WDR87: variants seen among roughly 807,000 people sequenced by gnomAD.
WDR87 encodes the protein WD repeat-containing protein 87.
WDR87 carries 56 observed loss-of-function variants against 83.3 expected under a neutral mutation model. The ratio of observed to expected loss-of-function variants is 0.67; its 90% CI spans 0.54 to 0.84. WDR87 has a LOEUF of 0.84. WDR87 is among the 40% of genes least tolerant of loss of function. WDR87 has a pLI of 0.00. For synonymous variants in WDR87, 1,173 were observed against 1,250.6 expected, an observed-to-expected ratio of 0.94 and a Z score of 1.31; for missense variants, 2,939 against 3,431.9, an observed-to-expected ratio of 0.86 and a Z score of 3.59.
In WDR87 at chr19:37,902,030, ATTTAT is replaced by A. The variant is rs935921450; in HGVS notation, c.-46-3750_-46-3746del. On this transcript the variant is annotated intron_variant, in intron 1 of 5. Coordinates refer to ENST00000447313, the MANE Select transcript of WDR87 (RefSeq NM_001291088.2). ...TGCACCTGGCCCTCTATGTTTATTT[ATTTAT>A]TTATTTATTTATTTATTTATTTGCC... is the stretch of plus-strand genomic sequence containing the variant. Among the ~76,000 whole-genome samples, 111 of 62,518 alleles carry A rather than the reference ATTTAT, an allele frequency of 1.8e-3. 2 individuals carry two copies. In the East Asian group the frequency reaches 0.16, roughly 90 times the overall value. 41.0% of individuals were successfully genotyped at this position (62,518 alleles called of 152,430 possible).
chr19:37,892,390 AGAAGG>A (rs1183983074), intron 4 of WDR87, among the ~76,000 whole-genome samples, 183 bp downstream of exon 4: 1 of 152,208 alleles, frequency 6.6e-6, no homozygotes, highest in Non-Finnish European at 1.5e-5. Context: ...TCTCAAAAAA[AGAAGG>A]AAGAGGAGGA....
In WDR87 at chr19:37,890,251, C is replaced by A. The variant is rs62110237; in HGVS notation, c.3420G>T (p.Lys1140Asn). 8 of 1,534,012 alleles carry A rather than the reference C, an allele frequency of 5.2e-6. No individual in the cohort carries two copies. In the South Asian group the frequency reaches 9.8e-5, roughly 19 times the overall value. Residue 1140 changes from lysine (K) to asparagine (N), a missense_variant, in exon 6 of 6, where the codon AAG (lysine) becomes AAT (asparagine). Lys to Asn is a moderately conservative substitution (Grantham distance 94, BLOSUM62 0). This residue lies in a region of WDR87 where 2,160 missense variants were observed against 2,533.1 expected (regional missense o/e 0.85). Coordinates refer to ENST00000447313, the MANE Select transcript of WDR87 (RefSeq NM_001291088.2). ...GTTTAGAGTCTCTCTCTTTCGTCTT[C>A]TTGAGACCCCGCAACCATTTTTGGC... ...KHSQKWLRGL[K>N]KTKERDSKQM...
At chr19:37,901,871 G>A (rs1427944089) in intron 1 of WDR87, among the ~76,000 whole-genome samples, 9 of 151,684 alleles carry the variant, frequency 5.9e-5, no homozygotes, top group Admixed American at 2.6e-4. Context: ...ACACCCCCAT[G>A]CCTGGCTAAT....
intron 5 of WDR87, 109 bp from the exon 6 acceptor site, chr19:37,890,385 C>T: frequency 2.3e-6 from 3 of 1,327,036 alleles, no homozygotes; most frequent in Admixed American, 3.3e-5. Flanking sequence ...GAAGTAACAA[C>T]AGAGAGAACT....
Position 37,888,989 on chromosome 19 carries a change from T to G in WDR87, c.4682A>C (p.Lys1561Thr), listed in dbSNP as rs540559202. ...TGATAACATATTTTCCCAGACTTGT[T>G]TCCACTCCTCCCATTTCAGCTTCTT... is the stretch of plus-strand genomic sequence containing the variant. ...EDKKLKWEEW[K>T]QVWENMLSSK... Residue 1561 changes from lysine (K) to threonine (T), a missense_variant, in exon 6 of 6, where the codon AAA becomes ACA. By Grantham distance (78) the Lys-to-Thr change is moderately conservative (BLOSUM62 -1). Coordinates refer to ENST00000447313, the MANE Select transcript of WDR87 (RefSeq NM_001291088.2). The G allele has an allele frequency of 5.5e-5, 85 of 1,551,958 alleles. 1 individual carries two copies. In the South Asian group the frequency reaches 1.0e-3, roughly 18 times the overall value.
At position 37,889,912 on chromosome 19, in the gene WDR87, T is replaced by C; in HGVS notation, c.3759A>G (p.Pro1253=). Residue 1253 remains proline, a synonymous_variant, in exon 6 of 6, where the codon CCA becomes CCG. Coordinates refer to ENST00000447313, the MANE Select transcript of WDR87 (RefSeq NM_001291088.2). ...CTTGGATTTTAACCTTTTTAGTAAC[T>C]GGCTGTTCCATTACAGGAGGTGTAG... The part of the protein sequence containing the change: ...EETTPPVMEQ[P]VTKKVKIQGR... 6.4e-7 allele frequency: 1 copy of C among 1,551,590 alleles called. No individual in the cohort carries two copies. The highest frequency in any genetic ancestry group is 8.7e-7 in the Non-Finnish European group (1 of 1,146,990).
rs904064432 is a variant in WDR87, at chr19:37,893,172, C to T, written c.2531G>A (p.Cys844Tyr). ...CTCCCGCTGGGGTGCATGCAGGTTG[C>T]ACTGTAGGTATATTGGGGTGCCCTC... ...WPEGTPIYLQCNLHAPQRELE... is the reference protein window; with the variant it reads ...WPEGTPIYLQYNLHAPQRELE... The change falls in exon 4 of 6, where the codon TGC becomes TAC. Residue 844 changes from cysteine to tyrosine, a missense_variant. Transcript: ENST00000447313. 42 of 1,551,834 alleles carry T rather than the reference C, an allele frequency of 2.7e-5. No individual in the cohort carries two copies. In the East Asian group the frequency reaches 1.0e-3, roughly 38 times the overall value.
At position 37,888,448 on chromosome 19, in the gene WDR87, C is replaced by T. The variant is rs1599759171; in HGVS notation, c.5223G>A (p.Gln1741=). ...ILAQKVEELP[Q]REQNLDWQEK... ...CTTGCCAGTCCAGATTTTGTTCCCT[C>T]TGGGGCAGTTCTTCCACTTTCTGGG... is the stretch of plus-strand genomic sequence containing the variant. Residue 1741 remains glutamine (Q), a synonymous_variant, in exon 6 of 6, where the codon CAG becomes CAA. Transcript: ENST00000447313. The T allele has an allele frequency of 1.3e-6, 2 of 1,552,010 alleles. No individual in the cohort carries two copies. Among genetic ancestry groups the T allele is most frequent in the East Asian group, 4.9e-5 (2 of 40,900 alleles).
At position 37,887,362 on chromosome 19, in the gene WDR87, C is replaced by G; in HGVS notation, c.6309G>C (p.Glu2103Asp). The G allele has an allele frequency of 6.4e-7, 1 of 1,551,608 alleles. No individual in the cohort carries two copies. Among genetic ancestry groups the G allele is most frequent in the Non-Finnish European group, 8.7e-7 (1 of 1,146,968 alleles). The change falls in exon 6 of 6, where the codon GAG becomes GAC. Residue 2103 changes from glutamate (E) to aspartate (D), a missense_variant. This residue lies in a region of WDR87 where 2,160 missense variants were observed against 2,533.1 expected (regional missense o/e 0.85). Coordinates refer to ENST00000447313, the MANE Select transcript of WDR87 (RefSeq NM_001291088.2). ...KASRKLIKKR[E>D]SLSKEPAKLN... ...GTTTTGCTGGTTCCTTGGAAAGGCT[C>G]TCCCTTTTTTTAATCAACTTCCTTG...
Position 37,885,221 on chromosome 19 carries a change from C to T in WDR87, c.8450G>A (p.Arg2817Lys), listed in dbSNP as rs565910887. 3.3e-6 allele frequency: 5 copies of T among 1,498,702 alleles called. No individual in the cohort carries two copies. Among genetic ancestry groups the T allele is most frequent in the Middle Eastern group, 1.8e-4 (1 of 5,700 alleles). The allele number at this position is 1,498,702 out of a possible 1,614,324, so 92.8% of individuals were successfully genotyped here. Residue 2817 changes from arginine (R) to lysine (K), a missense_variant, in exon 6 of 6, where the codon AGA (arginine) becomes AAA (lysine). By Grantham distance (26) the Arg-to-Lys change is conservative. This residue lies in a region of WDR87 where 2,160 missense variants were observed against 2,533.1 expected (regional missense o/e 0.85). Coordinates refer to ENST00000447313, the MANE Select transcript of WDR87 (RefSeq NM_001291088.2). ...IQKLLQELLM[R>K]EEPQPQEIIY... ...GATCTCTTGGGGTTGAGGTTCCTCT[C>T]TCATTAGCAGCTCCTGAAGCAGCTT...
At position 37,888,350 on chromosome 19, in the gene WDR87, A is replaced by G; in HGVS notation, c.5321T>C (p.Leu1774Pro). 6.4e-7 allele frequency: 1 copy of G among 1,551,656 alleles called. No homozygotes were observed. The highest frequency in any genetic ancestry group is 8.7e-7 in the Non-Finnish European group (1 of 1,147,024). ...AACCAGTTTCCCCTCTTCCTGATTC[A>G]GTTCCTCTTCTTTCCAAGACAGTTC... ...MEELSWKEEELNQEEGKLVEE... is the reference protein window; with the variant it reads ...MEELSWKEEEPNQEEGKLVEE... Residue 1774 changes from leucine to proline, a missense_variant, in exon 6 of 6, where the codon CTG becomes CCG. Leu to Pro is a moderately conservative substitution (Grantham distance 98). This residue lies in a region of WDR87 where 2,160 missense variants were observed against 2,533.1 expected (regional missense o/e 0.85). Coordinates refer to ENST00000447313, the MANE Select transcript of WDR87 (RefSeq NM_001291088.2).
rs12104280 is a variant in WDR87 at position 37,894,100 on chromosome 19, G to T, written c.1603C>A (p.His535Asn). 6.4e-7 allele frequency: 1 copy of T among 1,552,318 alleles called. No homozygotes were observed. The highest frequency in any genetic ancestry group is 8.7e-7 in the Non-Finnish European group (1 of 1,147,126). The change falls in exon 4 of 6, where the codon CAC (histidine) becomes AAC (asparagine). Residue 535 changes from histidine to asparagine, a missense_variant. By Grantham distance (68) the His-to-Asn change is moderately conservative. Around this residue, in one of 3 missense-constraint regions of WDR87, gnomAD observed 553 missense variants for 577.9 expected, o/e 0.96. Coordinates refer to ENST00000447313, the MANE Select transcript of WDR87 (RefSeq NM_001291088.2). ...CCATCAAGCACAGCTTCTGACAGGT[G>T]CACATAGTCATCCATTCCATAGGAA... ...LCSYGMDDYV[H>N]LSEAVLDGVK...
In WDR87 at chr19:37,893,616, A is replaced by C. The variant is rs1375606932; in HGVS notation, c.2087T>G (p.Leu696Arg). Residue 696 changes from leucine (L) to arginine (R), a missense_variant, in exon 4 of 6, where the codon CTG becomes CGG. Physicochemically the swap from Leu to Arg is moderately radical, Grantham distance 102. Around this residue, in one of 3 missense-constraint regions of WDR87, gnomAD observed 553 missense variants for 577.9 expected, o/e 0.96. Coordinates refer to ENST00000447313, the MANE Select transcript of WDR87 (RefSeq NM_001291088.2). ...TGGTATGAAAGGCTTAGGGACTTCC[A>C]GTACTTCATCTGATATGCTCATAAA... ...LSFMSISDEV[L>R]EVPKPFIPSF... 3.9e-6 allele frequency: 6 copies of C among 1,552,028 alleles called. No homozygotes were observed. In the African/African-American group the frequency reaches 8.2e-5, roughly 21 times the overall value.
Position 37,888,647 on chromosome 19 carries a change from T to C in WDR87, c.5024A>G (p.Lys1675Arg), listed in dbSNP as rs1274668104. The change falls in exon 6 of 6, where the codon AAG (lysine) becomes AGG (arginine). Residue 1675 changes from lysine (K) to arginine (R), a missense_variant. Coordinates refer to ENST00000447313, the MANE Select transcript of WDR87 (RefSeq NM_001291088.2). ...CAGTGTTTCCTCTTTCTGGGCAAAC[T>C]TACCCTCTGCCTGGGCCATTTCCCT... ...DDREMAQAEG[K>R]FAQKEETLAQ... The C allele has an allele frequency of 1.9e-6, 3 of 1,552,078 alleles. No homozygotes were observed. The highest frequency in any genetic ancestry group is 1.7e-6 in the Non-Finnish European group (2 of 1,147,086).
Position 37,893,476 on chromosome 19 carries a change from CA to C in WDR87, c.2226del (p.Phe742LeufsTer8). The C allele has an allele frequency of 6.4e-7, 1 of 1,551,956 alleles. No individual in the cohort carries two copies. The highest frequency in any genetic ancestry group is 8.7e-7 in the Non-Finnish European group (1 of 1,147,056). On this transcript the variant is annotated frameshift_variant, in exon 4 of 6. Transcript: ENST00000447313. LOFTEE classifies it high-confidence loss of function. ...EKLVNNRAIAFDHSVPHVIEE... is the reference protein window; with the variant it reads ...EKLVNNRAIAXDHSVPHVIEE... ...TCTATCACATGTGGCACAGAATGGT[CA>C]AAGGCAATGGCCCGGTTGTTGACAA...
chr19:37,898,917 G>A (rs2046275929), intron 1 of WDR87, among the ~76,000 whole-genome samples: 1 of 152,178 alleles, frequency 6.6e-6, no homozygotes, highest in Non-Finnish European at 1.5e-5. Context: ...TCCGTTTAGA[G>A]AAATGGTGGG....
In WDR87 at chr19:37,894,423, G is replaced by A; in HGVS notation, c.1280C>T (p.Ala427Val). Residue 427 changes from alanine to valine, a missense_variant, in exon 4 of 6, where the codon GCA becomes GTA. Ala to Val is a moderately conservative substitution (Grantham distance 64). Transcript: ENST00000447313. ...TACCAGAACCTCTGAGCTGCCTGTTGCTACAAAGAGCTCCTCTTTACCTGG... is the reference window on the plus strand; with the variant it reads ...TACCAGAACCTCTGAGCTGCCTGTTACTACAAAGAGCTCCTCTTTACCTGG... ...YDPGKEELFV[A>V]TGSSEVLVFD... 2 of 1,551,716 alleles carry A rather than the reference G, an allele frequency of 1.3e-6. No homozygotes were observed. Among genetic ancestry groups the A allele is most frequent in the Non-Finnish European group, 1.7e-6 (2 of 1,147,012 alleles).
chr19:37,891,453 T>C, intron 5 of WDR87, 99 bp downstream of exon 5: 1 of 1,432,408 alleles, frequency 7.0e-7, no homozygotes, highest in Non-Finnish European at 9.3e-7. Context: ...TGAGCCATCA[T>C]GTCCCGCCAG....
At position 37,893,928 on chromosome 19, in the gene WDR87, G is replaced by A. The variant is rs2046230420; in HGVS notation, c.1775C>T (p.Ser592Leu). 3 of 1,551,762 alleles carry A rather than the reference G, an allele frequency of 1.9e-6. No individual in the cohort carries two copies. Among genetic ancestry groups the A allele is most frequent in the Admixed American group, 2.0e-5 (1 of 50,978 alleles). The change falls in exon 4 of 6, where the codon TCA (serine) becomes TTA (leucine). Residue 592 changes from serine (S) to leucine (L), a missense_variant. Transcript: ENST00000447313. Reference sequence around the variant, plus strand: ...TTCTATGAATTTCAAGCCATTCTGTGACCCAGAGGACAGAAAATCATGGAA... The same window carrying A: ...TTCTATGAATTTCAAGCCATTCTGTAACCCAGAGGACAGAAAATCATGGAA... Reference protein sequence around the residue: ...WKFHDFLSSGSQNGLKFIETL... With the variant: ...WKFHDFLSSGLQNGLKFIETL...
Sources: gnomAD v4.1 joint callset for allele counts (sites outside exome capture counted in the v4.1 genomes callset) on GRCh38, gnomAD v4.1.1 for gene constraint, gnomAD v4.1.1 regional missense constraint, MANE v1.5 for transcripts, NCBI Gene and HGNC (gene_info 2026-07-23, HGNC 2026-07-21) for gene names.